Variants in RBMS3 observed in about 807,000 individuals in gnomAD.
The protein encoded by RBMS3 is RNA binding motif single stranded interacting protein 3.
A neutral mutation model predicts 66.8 loss-of-function variants in RBMS3; 27 were observed. The observed-to-expected ratio is 0.40, with a 90% confidence interval of 0.30 to 0.56. RBMS3 has a LOEUF of 0.56. RBMS3 is among the 20% of genes least tolerant of loss of function. The pLI, the probability that RBMS3 is intolerant of heterozygous loss-of-function variation, is 0.40. For missense variants in RBMS3, 513 were observed against 549.5 expected, an observed-to-expected ratio of 0.93 and a Z score of 0.66; for synonymous variants, 188 against 183.0, an observed-to-expected ratio of 1.03 and a Z score of -0.22.
chr3:29,754,003 G>T (rs1367690420), intron 5 of RBMS3, among the ~76,000 whole-genome samples: 1 of 151,672 alleles, frequency 6.6e-6, no homozygotes, highest in Non-Finnish European at 1.5e-5. Context: ...TGTCACCCAG[G>T]CTACAGTGCA....
intron 4 of RBMS3, among the ~76,000 whole-genome samples, chr3:29,691,273 T>C (rs76348822): frequency 0.011 from 1,641 of 152,326 alleles, 13 homozygotes; most frequent in Non-Finnish European, 0.016. Context: ...GTACTAAATC[T>C]TCTAGGCCAC....
intron 6 of RBMS3, among the ~76,000 whole-genome samples, chr3:29,783,325 A>T (rs540570290): frequency 1.1e-4 from 17 of 152,198 alleles, no homozygotes; most frequent in Non-Finnish European, 2.4e-4. Context: ...TATAAAGGAA[A>T]ACCTATCAGA....
intron 8 of RBMS3, among the ~76,000 whole-genome samples, chr3:29,884,890 T>C (rs2059833162): frequency 1.3e-5 from 2 of 151,960 alleles, no homozygotes; most frequent in African/African-American, 4.8e-5. Flanking sequence ...GTTGCTTATT[T>C]CCTGTCACTG....
At chr3:29,532,833 C>T (rs898378283) in intron 3 of RBMS3, among the ~76,000 whole-genome samples, 1 of 152,072 alleles carries the variant, frequency 6.6e-6, no homozygotes, top group African/African-American at 2.4e-5. Context: ...TAATGTAACA[C>T]ATTTATGTGT....
intron 4 of RBMS3, among the ~76,000 whole-genome samples, chr3:29,736,455 AT>A (rs1444411166): frequency 6.6e-6 from 1 of 152,226 alleles, no homozygotes; most frequent in Non-Finnish European, 1.5e-5. Flanking sequence ...ATGATTTTGA[AT>A]TTGGATAAAC....
intron 3 of RBMS3, 36 bp downstream of exon 3, chr3:29,488,535 C>G (rs764479878): frequency 7.5e-5 from 117 of 1,557,276 alleles, no homozygotes; most frequent in Non-Finnish European, 1.0e-4. Context: ...GAAATCTTGC[C>G]TATGCTATCT....
chr3:29,559,505 T>C (rs1490672316), intron 3 of RBMS3, among the ~76,000 whole-genome samples: 1 of 59,362 alleles, frequency 1.7e-5, no homozygotes, highest in Non-Finnish European at 3.0e-5. Flanking sequence ...AGGAAGACTC[T>C]GTCTCAAAAA....
At chr3:29,960,098 GA>G (rs1204315538) in intron 12 of RBMS3, among the ~76,000 whole-genome samples, 3 of 152,082 alleles carry the variant, frequency 2.0e-5, no homozygotes, top group African/African-American at 7.2e-5. Flanking sequence ...AGAGACAAGG[GA>G]AATTCCTTCC....
intron 2 of RBMS3, among the ~76,000 whole-genome samples, chr3:29,444,159 C>T (rs559634234): frequency 2.4e-4 from 36 of 152,104 alleles, no homozygotes; most frequent in African/African-American, 8.2e-4. Flanking sequence ...CTTTTAAATC[C>T]ATATTGATGA....
At chr3:29,459,862 T>C (rs1262662452) in intron 2 of RBMS3, among the ~76,000 whole-genome samples, 2 of 152,188 alleles carry the variant, frequency 1.3e-5, no homozygotes, top group Non-Finnish European at 2.9e-5. Flanking sequence ...GAGGGAACCA[T>C]AGAATCCTAG....
chr3:29,779,153 C>T (rs1262713419), intron 6 of RBMS3, among the ~76,000 whole-genome samples: 2 of 151,722 alleles, frequency 1.3e-5, no homozygotes, highest in Admixed American at 6.6e-5. Context: ...TTGGTTTTAA[C>T]ACTGATTTTT....
intron 1 of RBMS3, among the ~76,000 whole-genome samples, chr3:29,365,192 C>T (rs1456617020): frequency 6.6e-6 from 1 of 151,936 alleles, no homozygotes. Context: ...TTGGAAGAGG[C>T]CTTGGCTGCA....
chr3:29,375,897 G>A (rs13091242), intron 1 of RBMS3, among the ~76,000 whole-genome samples: 49,411 of 152,068 alleles, frequency 0.32, 10,016 homozygotes, highest in Non-Finnish European at 0.47. Context: ...ATACATGCAC[G>A]TGCGTGCTCA....
chr3:29,602,006 G>A (rs1218315865), intron 4 of RBMS3, among the ~76,000 whole-genome samples: 2 of 152,012 alleles, frequency 1.3e-5, no homozygotes, highest in African/African-American at 4.8e-5. Context: ...AATGACAATT[G>A]TCATTCATTT....
chr3:29,384,417 C>CAATAATAATAATAATAAT (rs532698967), intron 1 of RBMS3, among the ~76,000 whole-genome samples: 279 of 137,460 alleles, frequency 2.0e-3, no homozygotes, highest in Middle Eastern at 7.6e-3. Context: ...ACATATACAC[C>CAATAATAATAATAATAAT]AATAATAATA....
chr3:29,652,993 A>G (rs2050196814), intron 4 of RBMS3, among the ~76,000 whole-genome samples: 1 of 152,202 alleles, frequency 6.6e-6, no homozygotes, highest in South Asian at 2.1e-4. Context: ...GTAGAAATCA[A>G]CTTCTATAGT....
At chr3:29,530,326 T>C (rs985699274) in intron 3 of RBMS3, among the ~76,000 whole-genome samples, 1 of 152,024 alleles carries the variant, frequency 6.6e-6, no homozygotes, top group African/African-American at 2.4e-5. Context: ...TAAACCAAAT[T>C]TAGAATTGTG....
chr3:29,702,572 G>C (rs1350328894), intron 4 of RBMS3, among the ~76,000 whole-genome samples: 2 of 152,156 alleles, frequency 1.3e-5, no homozygotes, highest in African/African-American at 4.8e-5. Flanking sequence ...CCATCTTTAT[G>C]AGCTGTAACT....
intron 4 of RBMS3, among the ~76,000 whole-genome samples, chr3:29,610,901 C>T (rs985782407): frequency 6.6e-6 from 1 of 151,976 alleles, no homozygotes; most frequent in Non-Finnish European, 1.5e-5. Flanking sequence ...TACCACAGAT[C>T]CCTGACCTTT....
Sources: gnomAD v4.1 joint callset for allele counts (sites outside exome capture counted in the v4.1 genomes callset) on GRCh38, gnomAD v4.1.1 for gene constraint, MANE v1.5 for transcripts, NCBI Gene and HGNC (gene_info 2026-07-23, HGNC 2026-07-21) for gene names.